The following POTEJ variants were observed in gnomAD, a reference collection of about 807,000 sequenced individuals.
The protein encoded by POTEJ is POTE ankyrin domain family member J, also known as POTE ankyrin domain family, member J.
A neutral mutation model predicts 69.0 loss-of-function variants in POTEJ; 11 were observed. The ratio of observed to expected loss-of-function variants is 0.16; its 90% CI spans 0.10 to 0.26. The LOEUF is 0.26. Among genes scored for constraint, POTEJ ranks in the 10% least tolerant of loss-of-function variants. The pLI, the probability that POTEJ is intolerant of heterozygous loss-of-function variation, is 1.00. For synonymous variants in POTEJ, 117 were observed against 381.1 expected, an observed-to-expected ratio of 0.31 and a Z score of 8.07; for missense variants, 327 against 1,045.5, an observed-to-expected ratio of 0.31 and a Z score of 9.48.
At chr2:130,636,627 T>A (rs1260918552) in intron 9 of POTEJ, among the ~76,000 whole-genome samples, 1 of 148,592 alleles carries the variant, frequency 6.7e-6, no homozygotes, top group African/African-American at 2.5e-5. Context: ...CTGTCTGTTG[T>A]TATTGTGTGT....
rs1686813867 is a variant in POTEJ, at chr2:130,651,776, T to C, written c.1668-3145T>C. Among the ~76,000 whole-genome samples, 2 of 144,754 alleles carry C rather than the reference T, an allele frequency of 1.4e-5. 1 individual carries two copies. Among genetic ancestry groups the C allele is most frequent in the Admixed American group, 1.4e-4 (2 of 14,526 alleles). The allele number at this position is 144,754 out of a possible 152,430, so 95.0% of individuals were successfully genotyped here. ...TTTTCTCTGTACAATACTAGTGATA[T>C]TGTTATGCATTTTTATCTCATTAAA... is the stretch of plus-strand genomic sequence containing the variant. On this transcript the variant is annotated intron_variant, in intron 13 of 14. Transcript: ENST00000409602.
intron 10 of POTEJ, among the ~76,000 whole-genome samples, chr2:130,638,967 A>G (rs1686218308): frequency 6.6e-6 from 1 of 152,226 alleles, no homozygotes; most frequent in Non-Finnish European, 1.5e-5. Flanking sequence ...GCAAAGTGAG[A>G]CAGTGACAGA....
intron 13 of POTEJ, among the ~76,000 whole-genome samples, chr2:130,647,838 G>A (rs1686644730): frequency 6.7e-6 from 1 of 148,618 alleles, no homozygotes; most frequent in East Asian, 1.9e-4. Flanking sequence ...TAAAAGGAAG[G>A]TGCTGCTAAT....
At chr2:130,649,730 G>C (rs1157090563) in intron 13 of POTEJ, among the ~76,000 whole-genome samples, 2 of 146,842 alleles carry the variant, frequency 1.4e-5, no homozygotes, top group Admixed American at 1.4e-4. Flanking sequence ...CTCTATTGCT[G>C]TGTTTCAGCC....
intron 13 of POTEJ, among the ~76,000 whole-genome samples, chr2:130,646,573 G>C: frequency 7.0e-6 from 1 of 142,852 alleles, no homozygotes; most frequent in Non-Finnish European, 1.5e-5. Context: ...TTTAGCTTCG[G>C]GGTACGTGTG....
chr2:130,612,725 C>T (rs1288266354), intron 1 of POTEJ, among the ~76,000 whole-genome samples: 2 of 130,100 alleles, frequency 1.5e-5, no homozygotes, highest in South Asian at 4.7e-4. Context: ...ATAGTGCCAC[C>T]GCACTCCAGC....
chr2:130,614,107 A>C (rs1403539213), intron 1 of POTEJ, among the ~76,000 whole-genome samples: 1 of 127,236 alleles, frequency 7.9e-6, no homozygotes, highest in East Asian at 2.1e-4. Flanking sequence ...CAGTGAGCCG[A>C]GATCGCGCCA....
intron 9 of POTEJ, among the ~76,000 whole-genome samples, chr2:130,633,588 A>C (rs1685984208): frequency 1.4e-5 from 2 of 141,020 alleles, no homozygotes; most frequent in Non-Finnish European, 3.1e-5. Context: ...ATGACATCTT[A>C]AGAGTTCTTG....
Position 130,627,145 on chromosome 2 carries a change from A to G in POTEJ, c.1016-2804A>G, listed in dbSNP as rs545086439. The stretch of plus-strand genomic sequence containing the variant: ...TTCTGGTGAATACCGAAGAGCAAAG[A>G]GCAGCAGGTCAGCAGGAATGACTAA... On this transcript the variant is annotated intron_variant, in intron 6 of 14. Transcript: ENST00000409602. Among the ~76,000 whole-genome samples the G allele has an allele frequency of 3.3e-5, 5 of 152,100 alleles. No individual in the cohort carries two copies. The South Asian group carries it at 1.0e-3, about 31-fold the overall frequency.
intron 9 of POTEJ, among the ~76,000 whole-genome samples, chr2:130,634,169 G>A (rs1463258845): frequency 2.0e-5 from 3 of 152,238 alleles, no homozygotes; most frequent in African/African-American, 4.8e-5. Context: ...TTTGGCCCAA[G>A]GTGCTAATTT....
At chr2:130,649,368 T>C (rs1686716948) in intron 13 of POTEJ, among the ~76,000 whole-genome samples, 1 of 152,258 alleles carries the variant, frequency 6.6e-6, no homozygotes, top group South Asian at 2.1e-4. Context: ...CTGATCTTTC[T>C]CTCTGTCCTG....
chr2:130,618,774 C>CTTTT (rs1204750696), intron 3 of POTEJ, among the ~76,000 whole-genome samples: 29 of 32,208 alleles, frequency 9.0e-4, no homozygotes, highest in Middle Eastern at 0.036. Context: ...ATTAATCTGA[C>CTTTT]TTTTTTTTTT....
chr2:130,657,434 A>G lies in POTEJ; in HGVS notation c.2674A>G (p.Met892Val), dbSNP rs766613702. 6.9e-6 allele frequency: 11 copies of G among 1,600,674 alleles called. No homozygotes were observed. The East Asian group carries it at 1.1e-4, about 16-fold the overall frequency. The change falls in exon 15 of 15, where the codon ATG becomes GTG. Residue 892 changes from methionine (M) to valine (V), a missense_variant. Met to Val is a conservative substitution (Grantham distance 21, BLOSUM62 1). Coordinates refer to ENST00000409602, the MANE Select transcript of POTEJ (RefSeq NM_001277083.2). The part of the protein sequence containing the change: ...VALDFEQEMA[M>V]VASSSSLEKS... ...CCTGGACTTCGAGCAGGAGATGGCC[A>G]TGGTGGCCTCCAGCTCCTCCCTAGA...
intron 5 of POTEJ, chr2:130,622,735 G>A (rs1278109238): frequency 4.0e-5 from 6 of 151,144 alleles, no homozygotes; most frequent in Non-Finnish European, 8.8e-5. Flanking sequence ...CTCACAGGAA[G>A]CCATTGAAGA....
intron 6 of POTEJ, among the ~76,000 whole-genome samples, chr2:130,624,549 G>A (rs1470425961): frequency 1.3e-4 from 19 of 151,982 alleles, no homozygotes; most frequent in South Asian, 2.1e-4. Flanking sequence ...GAGTACAGGC[G>A]GTAATATGAG....
At chr2:130,640,643 C>T (rs1355825234) in intron 10 of POTEJ, among the ~76,000 whole-genome samples, 1 of 151,718 alleles carries the variant, frequency 6.6e-6, no homozygotes, top group Non-Finnish European at 1.5e-5. Flanking sequence ...TGCTTTTCTT[C>T]ACGTGTGTCT....
rs1156253091 is a variant in POTEJ, at chr2:130,643,449, G to T, written c.1370-534G>T. ...CAGGAGAATCACTTGAACCAGGGAG[G>T]CGGAGGTTGCAGTGAGCTGATCATG... On this transcript the variant is annotated intron_variant, in intron 10 of 14. Transcript: ENST00000409602. Among the ~76,000 whole-genome samples the T allele has an allele frequency of 2.9e-5, 4 of 137,216 alleles. No homozygotes were observed. In the South Asian group the frequency reaches 9.2e-4, roughly 31 times the overall value. 90.0% of individuals were successfully genotyped at this position (137,216 alleles called of 152,430 possible). A position where few individuals can be genotyped will look rare whatever the true frequency, so the allele number is the denominator to read the frequency against.
At chr2:130,647,061 T>A (rs1257768484) in intron 13 of POTEJ, among the ~76,000 whole-genome samples, 3 of 150,472 alleles carry the variant, frequency 2.0e-5, no homozygotes, top group African/African-American at 7.6e-5. Context: ...ATGTAAAAAA[T>A]TTGGAGCTAG....
At position 130,633,166 on chromosome 2, in the gene POTEJ, T is replaced by A. The variant is rs1480644894; in HGVS notation, c.1298+510T>A. On this transcript the variant is annotated intron_variant, in intron 9 of 14. Coordinates refer to ENST00000409602, the MANE Select transcript of POTEJ (RefSeq NM_001277083.2). Reference sequence around the variant, plus strand: ...ATTTGATTTTCTGTTCCTGCATTAGTTTGCTTAGGATAATGGCCTCCAGCT... The same window carrying A: ...ATTTGATTTTCTGTTCCTGCATTAGATTGCTTAGGATAATGGCCTCCAGCT... Among the ~76,000 whole-genome samples the A allele has an allele frequency of 1.4e-5, 2 of 142,292 alleles. 1 individual carries two copies. The highest frequency in any genetic ancestry group is 3.1e-5 in the Non-Finnish European group (2 of 65,542). 93.3% of individuals were successfully genotyped at this position (142,292 alleles called of 152,430 possible). A position where few individuals can be genotyped will look rare whatever the true frequency, so the allele number is the denominator to read the frequency against.
Sources: allele counts gnomAD v4.1 joint callset (sites outside exome capture counted in the v4.1 genomes callset), GRCh38; gene constraint gnomAD v4.1.1; transcripts MANE v1.5; gene names NCBI Gene and HGNC (gene_info 2026-07-23, HGNC 2026-07-21).